Variants in TPM1 observed in about 807,000 individuals in gnomAD.
TPM1 encodes the protein tropomyosin alpha-1 chain.
A neutral mutation model predicts 42.9 loss-of-function variants in TPM1; 24 were observed. That is an observed-to-expected ratio of 0.56 (90% CI 0.41 to 0.79). The LOEUF is 0.79. TPM1 is among the 30% of genes least tolerant of loss of function. The pLI is 0.00. For missense variants in TPM1, 158 were observed against 351.8 expected, an observed-to-expected ratio of 0.45 and a Z score of 4.41; for synonymous variants, 136 against 130.1, an observed-to-expected ratio of 1.05 and a Z score of -0.31.
At chr15:63,048,281 C>T in intron 2 of TPM1, 1 of 633,156 alleles carries the variant, frequency 1.6e-6, no homozygotes, top group Non-Finnish European at 2.6e-6. Flanking sequence ...CCGCAGCGCG[C>T]CGGGAGCGCC....
chr15:63,046,164 AC>A (rs1447085652), intron 2 of TPM1: 1 of 152,234 alleles, frequency 6.6e-6, no homozygotes, highest in Non-Finnish European at 1.5e-5. Flanking sequence ...TGTACTGAAT[AC>A]TGTCAACAAT....
At chr15:63,070,690 G>A, downstream of TPM1, 1 of 1,013,146 alleles carries the variant, frequency 9.9e-7, no homozygotes, top group African/African-American at 1.7e-5. Flanking sequence ...ACAACTCCCA[G>A]ACTTTTAACT....
chr15:63,061,673 C>G (rs565300543), intron 5 of TPM1, 40 bp from the exon 6 acceptor site: 1 of 1,591,754 alleles, frequency 6.3e-7, no homozygotes, highest in Non-Finnish European at 8.6e-7. Context: ...CTTCCTTTGG[C>G]TTGTCTCCCA....
At chr15:63,060,770 C>T in intron 4 of TPM1, 99 bp from the exon 5 acceptor site, 1 of 1,330,884 alleles carries the variant, frequency 7.5e-7, no homozygotes, top group Non-Finnish European at 1.1e-6. Context: ...GTAGACAAAA[C>T]CCTTAGGGCC....
At chr15:63,059,542 C>T (rs746049466) in intron 3 of TPM1, 21 bp from the exon 4 acceptor site, 1 of 1,595,714 alleles carries the variant, frequency 6.3e-7, no homozygotes, top group Non-Finnish European at 8.6e-7. Context: ...CTTGGGTTTT[C>T]TTGCTTGTCT....
At chr15:63,064,208 A>G in intron 9 of TPM1, 66 bp downstream of exon 9, 1 of 1,577,782 alleles carries the variant, frequency 6.3e-7, no homozygotes. Context: ...ACTCACCACC[A>G]TGCCTTCCTT....
chr15:63,048,433 G>C, intron 2 of TPM1: 1 of 1,349,556 alleles, frequency 7.4e-7, no homozygotes, highest in Non-Finnish European at 9.4e-7. Flanking sequence ...GCTCCTGGCC[G>C]CAGGGGGCGC....
At chr15:63,059,486 C>A in intron 3 of TPM1, 77 bp from the exon 4 acceptor site, 1 of 1,181,968 alleles carries the variant, frequency 8.5e-7, no homozygotes, top group Non-Finnish European at 1.2e-6. Context: ...CTAAGCCTCA[C>A]AAGCCACAGC....
chr15:63,065,282 G>A (rs2036154471), intron 9 of TPM1: 1 of 987,684 alleles, frequency 1.0e-6, no homozygotes. Context: ...ATTCTAACCT[G>A]GAATGTTTCA....
Position 63,062,450 on chromosome 15 carries a change from A to T in TPM1, c.703-126A>T, listed in dbSNP as rs527259864. ...GCCATTTCTCACAGAGGTGACTGAA[A>T]CTGACAAGTAGTTTCTGATCCATTT... is the stretch of plus-strand genomic sequence containing the variant. On this transcript the variant is annotated intron_variant, in intron 7 of 9. Transcript: ENST00000403994. The T allele has an allele frequency of 1.5e-5, 20 of 1,313,622 alleles. No individual in the cohort carries two copies. The East Asian group carries it at 1.7e-4, about 11-fold the overall frequency. 81.4% of individuals were successfully genotyped at this position (1,313,622 alleles called of 1,614,324 possible). A position where few individuals can be genotyped will look rare whatever the true frequency, so the allele number is the denominator to read the frequency against.
chr15:63,048,319 A>C, intron 2 of TPM1: 2 of 959,822 alleles, frequency 2.1e-6, no homozygotes, highest in East Asian at 4.3e-5. Flanking sequence ...GAGCATGCGC[A>C]GTGCCCCCAG....
chr15:63,062,625 A>C lies in TPM1; in HGVS notation c.752A>C (p.Lys251Thr), dbSNP rs1288856499. Residue 251 changes from lysine (K) to threonine (T), a missense_variant, in exon 8 of 10, where the codon AAA (lysine) becomes ACA (threonine). By Grantham distance (78) the Lys-to-Thr change is moderately conservative. Around this residue, in one of 4 missense-constraint regions of TPM1, gnomAD observed 64 missense variants for 95.8 expected, o/e 0.67. Transcript: ENST00000403994. ...GAGAGGTCAGTAACTAAATTGGAGA[A>C]AAGCATTGATGACTTAGAAGGTAAG... ...FAERSVTKLE[K>T]SIDDLEDELY... The C allele has an allele frequency of 6.2e-7, 1 of 1,614,136 alleles. No homozygotes were observed. Among genetic ancestry groups the C allele is most frequent in the African/African-American group, 1.3e-5 (1 of 74,954 alleles).
At chr15:63,060,290 C>T (rs1225369883) in intron 4 of TPM1, among the ~76,000 whole-genome samples, 3 of 152,152 alleles carry the variant, frequency 2.0e-5, no homozygotes, top group African/African-American at 7.2e-5. Flanking sequence ...CTTTTTATTA[C>T]CATTATTACC....
At chr15:63,052,164 A>G (rs538352108) in intron 2 of TPM1, among the ~76,000 whole-genome samples, 2 of 152,268 alleles carry the variant, frequency 1.3e-5, no homozygotes, top group African/African-American at 2.4e-5. Flanking sequence ...CTTTTGAAAT[A>G]AAAGAAACTA....
intron 2 of TPM1, among the ~76,000 whole-genome samples, chr15:63,051,905 T>C (rs2033947721): frequency 6.6e-6 from 1 of 151,802 alleles, no homozygotes; most frequent in East Asian, 1.9e-4. Flanking sequence ...TTTTTTTTTT[T>C]TTTTTCAAAT....
intron 2 of TPM1, among the ~76,000 whole-genome samples, chr15:63,053,376 A>G (rs2034240476): frequency 6.6e-6 from 1 of 152,100 alleles, no homozygotes; most frequent in East Asian, 1.9e-4. Context: ...TGCCAGTTCC[A>G]AGGTTTCCGT....
rs527426378 is a variant in TPM1, at chr15:63,050,637, T to A, written c.241-6348T>A. The stretch of plus-strand genomic sequence containing the variant: ...AAAAGTAGTTTAAGTAGTTTCAATT[T>A]TTTTAAGTAATCTTTGCAAACAATC... On this transcript the variant is annotated intron_variant, in intron 2 of 9. Transcript: ENST00000403994. Among the ~76,000 whole-genome samples the A allele has an allele frequency of 4.6e-4, 70 of 152,266 alleles. 1 individual carries two copies. The highest frequency in any genetic ancestry group is 9.1e-4 in the Non-Finnish European group (62 of 68,054).
chr15:63,046,681 C>T (rs1012746370), intron 2 of TPM1: 3 of 152,608 alleles, frequency 2.0e-5, no homozygotes, highest in Non-Finnish European at 2.9e-5. Context: ...CCAATCTCTT[C>T]CCCAGTAACT....
chr15:63,059,759 T>C, intron 4 of TPM1, 79 bp downstream of exon 4: 1 of 1,022,894 alleles, frequency 9.8e-7, no homozygotes, highest in Non-Finnish European at 1.5e-6. Context: ...ACAGTCTTGA[T>C]TCCCGAGTGA....
Sources: allele counts gnomAD v4.1 joint callset (sites outside exome capture counted in the v4.1 genomes callset), GRCh38; gene constraint gnomAD v4.1.1; regional missense constraint gnomAD v4.1.1; transcripts MANE v1.5; gene names NCBI Gene and HGNC (gene_info 2026-07-23, HGNC 2026-07-21).